NXPE2: variants seen among roughly 807,000 people sequenced by gnomAD.
NXPE2 encodes the protein neurexophilin and PC-esterase domain family member 2.
In NXPE2, 34 loss-of-function variants were observed where a neutral mutation model predicts 34.4. The observed-to-expected ratio is 0.99, with a 90% CI of 0.75 to 1.31. The LOEUF is 1.31. NXPE2 is among the 40% of genes most tolerant of loss of function. The probability of loss-of-function intolerance (pLI) is 0.00; values close to 1 mark genes in which losing one functional copy is unlikely to be tolerated. For synonymous variants in NXPE2, 235 were observed against 231.3 expected, an observed-to-expected ratio of 1.02 and a Z score of -0.15; for missense variants, 649 against 672.5, an observed-to-expected ratio of 0.97 and a Z score of 0.39.
the NXPE2 span, among the ~76,000 whole-genome samples, chr11:114,790,599 C>G: frequency 6.6e-6 from 1 of 152,160 alleles, no homozygotes; most frequent in Non-Finnish European, 1.5e-5. Flanking sequence ...TGTCCATAGT[C>G]TCTGGTGGCC....
chr11:114,745,751 T>C, the NXPE2 span, among the ~76,000 whole-genome samples: 2 of 152,002 alleles, frequency 1.3e-5, no homozygotes, highest in African/African-American at 4.8e-5. Flanking sequence ...AAACTAGATA[T>C]GAAAAAGTAT....
At chr11:114,552,954 C>T in the NXPE2 span, 11 of 615,706 alleles carry the variant, frequency 1.8e-5, no homozygotes, top group South Asian at 5.8e-4. Flanking sequence ...AGTAGAAATA[C>T]CAAATTCTTG....
chr11:114,525,995 A>G, the NXPE2 span, among the ~76,000 whole-genome samples: 7 of 152,180 alleles, frequency 4.6e-5, no homozygotes, highest in African/African-American at 1.7e-4. Context: ...TGGAGAGACT[A>G]TCCTGGATTA....
At chr11:114,806,301 A>C in the NXPE2 span, among the ~76,000 whole-genome samples, 1 of 152,248 alleles carries the variant, frequency 6.6e-6, no homozygotes, top group Non-Finnish European at 1.5e-5. Context: ...TCCTCCTCCA[A>C]AGGAATGCAG....
chr11:114,561,050 G>A, the NXPE2 span, among the ~76,000 whole-genome samples: 2 of 152,126 alleles, frequency 1.3e-5, no homozygotes, highest in African/African-American at 4.8e-5. Context: ...TATTTGTCAT[G>A]TGACTGTTAC....
At chr11:114,803,407 A>T in the NXPE2 span, among the ~76,000 whole-genome samples, 6 of 152,170 alleles carry the variant, frequency 3.9e-5, no homozygotes, top group East Asian at 3.9e-4. Context: ...GATACCTTAG[A>T]CTGGGTAACT....
At chr11:114,580,342 C>A in the NXPE2 span, 3 of 1,612,956 alleles carry the variant, frequency 1.9e-6, no homozygotes, top group Admixed American at 5.0e-5. Context: ...GTTTCTTCTG[C>A]CAAAGAATCA....
the NXPE2 span, chr11:114,571,573 G>A: frequency 9.3e-7 from 1 of 1,079,510 alleles, no homozygotes; most frequent in Non-Finnish European, 1.3e-6. Flanking sequence ...AATTAAATAA[G>A]CTAATCATGT....
At chr11:114,492,279 C>T in the NXPE2 span, among the ~76,000 whole-genome samples, 3 of 151,914 alleles carry the variant, frequency 2.0e-5, no homozygotes, top group Admixed American at 6.6e-5. Flanking sequence ...GTTTAATTTT[C>T]GTGTATTTGT....
the NXPE2 span, among the ~76,000 whole-genome samples, chr11:114,625,960 T>A: frequency 6.6e-6 from 1 of 151,888 alleles, no homozygotes; most frequent in Non-Finnish European, 1.5e-5. Flanking sequence ...ATACTGCACT[T>A]TTCCGATGGG....
the NXPE2 span, among the ~76,000 whole-genome samples, chr11:114,654,301 C>T: frequency 3.3e-5 from 5 of 151,958 alleles, no homozygotes; most frequent in Non-Finnish European, 5.9e-5. Flanking sequence ...TTCAAGCTAC[C>T]GGATCTCAGG....
chr11:114,760,303 G>A, the NXPE2 span, among the ~76,000 whole-genome samples: 1 of 152,178 alleles, frequency 6.6e-6, no homozygotes, highest in African/African-American at 2.4e-5. Flanking sequence ...TTGTCTATGA[G>A]GAACAGGCCT....
the NXPE2 span, among the ~76,000 whole-genome samples, chr11:114,491,434 A>C: frequency 6.6e-6 from 1 of 152,146 alleles, no homozygotes; most frequent in East Asian, 1.9e-4. Context: ...GCCATCAGAG[A>C]AATGCAAATC....
At chr11:114,530,257 G>T in the NXPE2 span, 4 of 1,613,818 alleles carry the variant, frequency 2.5e-6, no homozygotes, top group Admixed American at 3.3e-5. Context: ...GCCTCACAGG[G>T]CATGTGTTGA....
chr11:114,714,874 T>G, the NXPE2 span, among the ~76,000 whole-genome samples: 1 of 151,956 alleles, frequency 6.6e-6, no homozygotes, highest in African/African-American at 2.4e-5. Flanking sequence ...ATACAAAAAT[T>G]AGCCGGGCGT....
chr11:114,766,510 A>C, the NXPE2 span, among the ~76,000 whole-genome samples: 2 of 148,200 alleles, frequency 1.3e-5, no homozygotes, highest in Admixed American at 6.7e-5. Flanking sequence ...CTTCCTCTTC[A>C]CTCCTCTCCT....
the NXPE2 span, among the ~76,000 whole-genome samples, chr11:114,475,379 G>T: frequency 1.3e-5 from 2 of 151,838 alleles, no homozygotes; most frequent in Non-Finnish European, 2.9e-5. Context: ...CAGTAGCTGG[G>T]ATCACAGGTG....
At chr11:114,473,355 A>G in the NXPE2 span, among the ~76,000 whole-genome samples, 2 of 152,246 alleles carry the variant, frequency 1.3e-5, no homozygotes. Flanking sequence ...TCAATCATCT[A>G]TTTCTAGAGA....
chr11:114,566,626 C>T, the NXPE2 span, among the ~76,000 whole-genome samples: 1 of 152,080 alleles, frequency 6.6e-6, no homozygotes. Flanking sequence ...TATATGTTTT[C>T]AAGAAGGTTT....
Sources: allele counts gnomAD v4.1 joint callset (sites outside exome capture counted in the v4.1 genomes callset), GRCh38; gene constraint gnomAD v4.1.1; transcripts MANE v1.5; gene names NCBI Gene and HGNC (gene_info 2026-07-23, HGNC 2026-07-21).